Variants in KRABD1 observed in about 807,000 individuals in gnomAD.
KRABD1 encodes KRAB domain containing 1.
At chr3:42,937,920 GT>G in the KRABD1 span, 1 of 152,184 alleles carries the variant, frequency 6.6e-6, no homozygotes, top group African/African-American at 2.4e-5. Context: ...AACGGAAGTT[GT>G]TTTTAAGGTC....
chr3:42,938,685 G>A, the KRABD1 span: 4 of 421,762 alleles, frequency 9.5e-6, no homozygotes, highest in Non-Finnish European at 1.3e-5. Flanking sequence ...CCTCCTTTTT[G>A]CATTTCTCTG....
the KRABD1 span, among the ~76,000 whole-genome samples, chr3:42,940,526 T>C: frequency 6.6e-6 from 1 of 152,216 alleles, no homozygotes; most frequent in African/African-American, 2.4e-5. Flanking sequence ...CCATTTCCAC[T>C]AGAGCTCTAT....
the KRABD1 span, chr3:42,942,018 TCA>T: frequency 6.5e-7 from 1 of 1,535,960 alleles, no homozygotes; most frequent in Non-Finnish European, 8.7e-7. Context: ...GAGTCCTGTT[TCA>T]CCCAGCCACA....
chr3:42,942,049 T>C, the KRABD1 span: 1 of 1,535,978 alleles, frequency 6.5e-7, no homozygotes, highest in Non-Finnish European at 8.7e-7. Flanking sequence ...TAAGCAGGAA[T>C]GACTGGAGAG....
chr3:42,941,303 C>T, the KRABD1 span: 1 of 1,599,868 alleles, frequency 6.3e-7, no homozygotes, highest in South Asian at 1.1e-5. Context: ...CCGAGAGGGC[C>T]TTGTACAGGG....
At chr3:42,938,695 G>C in the KRABD1 span, 2 of 434,716 alleles carry the variant, frequency 4.6e-6, no homozygotes, top group Non-Finnish European at 4.2e-6. Flanking sequence ...GCATTTCTCT[G>C]TATGCCTGCT....
At chr3:42,939,097 TACAC>T in the KRABD1 span, among the ~76,000 whole-genome samples, 581 of 152,302 alleles carry the variant, frequency 3.8e-3, 2 homozygotes, top group African/African-American at 0.013. Context: ...AGGTTTAACT[TACAC>T]AACACAAGTC....
the KRABD1 span, chr3:42,941,247 G>A: frequency 5.2e-5 from 81 of 1,570,356 alleles, no homozygotes; most frequent in African/African-American, 8.7e-4. Flanking sequence ...TTTTGAGGAC[G>A]TGGCTGTGTA....
At chr3:42,941,455 A>G in the KRABD1 span, 2 of 1,265,312 alleles carry the variant, frequency 1.6e-6, no homozygotes, top group African/African-American at 1.5e-5. Flanking sequence ...GTTGCCAGGT[A>G]TAGAAAGCCC....
At chr3:42,938,671 T>A in the KRABD1 span, 1 of 417,076 alleles carries the variant, frequency 2.4e-6, no homozygotes, top group Non-Finnish European at 4.4e-6. Context: ...CGTGGATGAT[T>A]CTACCTCCTT....
the KRABD1 span, chr3:42,942,023 C>A: frequency 6.5e-7 from 1 of 1,535,988 alleles, no homozygotes. Context: ...CTGTTTCACC[C>A]AGCCACAGGG....
At chr3:42,940,485 G>A in the KRABD1 span, among the ~76,000 whole-genome samples, 3 of 152,250 alleles carry the variant, frequency 2.0e-5, no homozygotes, top group East Asian at 5.8e-4. Context: ...TTGGCTCATA[G>A]GTTCCCTTAA....
chr3:42,942,098 C>T, the KRABD1 span: 2 of 1,428,460 alleles, frequency 1.4e-6, no homozygotes, highest in African/African-American at 1.4e-5. Flanking sequence ...GGTTCTTCTC[C>T]AGCTTTGTCT....
the KRABD1 span, chr3:42,938,564 T>C: frequency 9.8e-5 from 24 of 245,138 alleles, no homozygotes; most frequent in Non-Finnish European, 1.7e-4. Flanking sequence ...CTGTCCACTG[T>C]CTACCTTAGT....
chr3:42,938,903 C>T, the KRABD1 span: 3 of 1,532,370 alleles, frequency 2.0e-6, no homozygotes, highest in South Asian at 1.2e-5. Flanking sequence ...CAGATGATGA[C>T]AGCTGTGTCC....
At chr3:42,938,865 C>G in the KRABD1 span, 1 of 1,513,524 alleles carries the variant, frequency 6.6e-7, no homozygotes, top group Non-Finnish European at 8.9e-7. Context: ...GAGACTTTTA[C>G]CTTTACCCAG....
chr3:42,941,678 T>C, the KRABD1 span, among the ~76,000 whole-genome samples: 1 of 152,042 alleles, frequency 6.6e-6, no homozygotes, highest in Non-Finnish European at 1.5e-5. Flanking sequence ...TTTGTCTTTT[T>C]CCCATAGTGA....
chr3:42,942,618 C>A, the KRABD1 span: 1 of 1,423,304 alleles, frequency 7.0e-7, no homozygotes, highest in Non-Finnish European at 9.3e-7. Flanking sequence ...TCGAAATCGT[C>A]AATGCTGGGA....
chr3:42,938,957 A>G, the KRABD1 span: 1 of 1,518,844 alleles, frequency 6.6e-7, no homozygotes, highest in Non-Finnish European at 8.8e-7. Context: ...CTATCTCTGT[A>G]CATATCCCTG....
Sources: gnomAD v4.1 joint callset for allele counts (sites outside exome capture counted in the v4.1 genomes callset) on GRCh38, gnomAD v4.1.1 for gene constraint, MANE v1.5 for transcripts, NCBI Gene and HGNC (gene_info 2026-07-23, HGNC 2026-07-21) for gene names.